ZDBF2: variants seen among roughly 807,000 people sequenced by gnomAD.
The protein encoded by ZDBF2 is zinc finger DBF-type containing 2.
A neutral mutation model predicts 9.4 loss-of-function variants in ZDBF2; 6 were observed. The ratio of observed to expected loss-of-function variants is 0.64; its 90% CI spans 0.35 to 1.27. The LOEUF is 1.27. Among genes scored for constraint, ZDBF2 ranks in the 50% most tolerant of loss-of-function variants. ZDBF2 has a pLI of 0.03. For missense variants in ZDBF2, 2,697 were observed against 2,766.8 expected (o/e 0.97, Z 0.57); for synonymous variants, 905 against 946.3 (o/e 0.96, Z 0.80).
chr2:206,281,546 A>G (rs192964615), intron 2 of ZDBF2, among the ~76,000 whole-genome samples: 1 of 152,350 alleles, frequency 6.6e-6, no homozygotes, highest in East Asian at 1.9e-4. Context: ...AATATCTAAT[A>G]TCTCTAATAA....
chr2:206,276,165 A>G (rs1690990206), intron 1 of ZDBF2, among the ~76,000 whole-genome samples: 1 of 152,206 alleles, frequency 6.6e-6, no homozygotes, highest in South Asian at 2.1e-4. Flanking sequence ...ATATGTAATG[A>G]GAGTATTGTT....
At position 206,311,551 on chromosome 2, in the gene ZDBF2, G is replaced by T; in HGVS notation, c.7023G>T (p.Met2341Ile). ...SSCLQQRERM[M>I]TRLANKLRGN... ...GTTTACAACAACGTGAGAGAATGAT[G>T]ACTCGGCTAGCAAACAAACTGAGAG... The change falls in exon 5 of 5, where the codon ATG (methionine) becomes ATT (isoleucine). Residue 2341 changes from methionine to isoleucine, a missense_variant. Met to Ile is a conservative substitution (Grantham distance 10, BLOSUM62 1). This residue lies in a region of ZDBF2 where 1,783 missense variants were observed against 1,776.5 expected (regional missense o/e 1.00). Transcript: ENST00000374423. 6.5e-7 allele frequency: 1 copy of T among 1,530,780 alleles called. No homozygotes were observed. Among genetic ancestry groups the T allele is most frequent in the South Asian group, 1.3e-5 (1 of 76,938 alleles). 94.8% of individuals were successfully genotyped at this position (1,530,780 alleles called of 1,614,324 possible).
intron 3 of ZDBF2, among the ~76,000 whole-genome samples, chr2:206,290,918 T>C (rs978957559): frequency 6.6e-5 from 10 of 152,174 alleles, no homozygotes; most frequent in Non-Finnish European, 1.5e-5. Context: ...TTGGTTTTTT[T>C]TGGATCTTGG....
In ZDBF2 at chr2:206,310,986, A is replaced by C. The variant is rs1323116632; in HGVS notation, c.6458A>C (p.His2153Pro). ...AATTTCCAGCTAACATTTTTAAATCATGATGTTGTCAAAATCTCTCCAAAA... is the reference window on the plus strand; with the variant it reads ...AATTTCCAGCTAACATTTTTAAATCCTGATGTTGTCAAAATCTCTCCAAAA... ...KRNFQLTFLN[H>P]DVVKISPKSV... The change falls in exon 5 of 5, where the codon CAT (histidine) becomes CCT (proline). Residue 2153 changes from histidine (H) to proline (P), a missense_variant. By Grantham distance (77) the His-to-Pro change is moderately conservative. Coordinates refer to ENST00000374423, the MANE Select transcript of ZDBF2 (RefSeq NM_020923.3). 1 of 1,613,382 alleles carries C rather than the reference A, an allele frequency of 6.2e-7. No homozygotes were observed. Among genetic ancestry groups the C allele is most frequent in the African/African-American group, 1.3e-5 (1 of 74,878 alleles).
chr2:206,304,005 A>G (rs1436289220), intron 4 of ZDBF2, among the ~76,000 whole-genome samples: 3 of 152,174 alleles, frequency 2.0e-5, no homozygotes, highest in Non-Finnish European at 4.4e-5. Flanking sequence ...CCTCCGCTCA[A>G]AAGTAGCAGT....
intron 3 of ZDBF2, among the ~76,000 whole-genome samples, chr2:206,295,363 C>CTTTTTTTT (rs571707187): frequency 1.5e-4 from 17 of 110,980 alleles, no homozygotes; most frequent in African/African-American, 4.1e-4. Context: ...CTTTTCTTTT[C>CTTTTTTTT]TTTTTTTTTT....
intron 3 of ZDBF2, among the ~76,000 whole-genome samples, chr2:206,287,997 C>A (rs1255220773): frequency 6.6e-6 from 1 of 151,712 alleles, no homozygotes; most frequent in Non-Finnish European, 1.5e-5. Flanking sequence ...TATATATTTT[C>A]TTGTCTCTCA....
intron 3 of ZDBF2, among the ~76,000 whole-genome samples, chr2:206,285,230 T>C (rs1310554075): frequency 6.6e-6 from 1 of 152,212 alleles, no homozygotes; most frequent in East Asian, 1.9e-4. Context: ...ATTTATACTC[T>C]TTTCCATAAT....
At chr2:206,278,879 A>G (rs1008490080) in intron 1 of ZDBF2, among the ~76,000 whole-genome samples, 7 of 152,126 alleles carry the variant, frequency 4.6e-5, no homozygotes, top group African/African-American at 1.2e-4. Flanking sequence ...TTCATTTTAA[A>G]TTTTTTGAGG....
chr2:206,282,750 A>C (rs1168023697), intron 3 of ZDBF2, among the ~76,000 whole-genome samples: 1 of 152,166 alleles, frequency 6.6e-6, no homozygotes, highest in African/African-American at 2.4e-5. Flanking sequence ...TTGACCCTTT[A>C]AGGTGTATAA....
rs776701323 is a variant in ZDBF2 at position 206,307,694 on chromosome 2, C to T, written c.3166C>T (p.Pro1056Ser). 3 of 1,613,494 alleles carry T rather than the reference C, an allele frequency of 1.9e-6. No homozygotes were observed. In the East Asian group the frequency reaches 6.7e-5, roughly 36 times the overall value. Residue 1056 changes from proline (P) to serine (S), a missense_variant, in exon 5 of 5, where the codon CCT becomes TCT. Around this residue, in one of 3 missense-constraint regions of ZDBF2, gnomAD observed 1,783 missense variants for 1,776.5 expected, o/e 1.00. Transcript: ENST00000374423. ...NVPPQSMTDQ[P>S]QLAFLKEKHV... ...TCCACCTCAGTCAATGACTGACCAA[C>T]CTCAACTAGCTTTTTTGAAGGAAAA...
rs1693081232 is a variant in ZDBF2, at chr2:206,310,169, T to G, written c.5641T>G (p.Leu1881Val). Residue 1881 changes from leucine (L) to valine (V), a missense_variant, in exon 5 of 5, where the codon TTG (leucine) becomes GTG (valine). Coordinates refer to ENST00000374423, the MANE Select transcript of ZDBF2 (RefSeq NM_020923.3). ...KGKKKVTWAD[L>V]QGKEDTAPTQ... ...GAAAAAAAAGGTTACCTGGGCTGACTTGCAAGGTAAGGAGGACACTGCACC... is the reference window on the plus strand; with the variant it reads ...GAAAAAAAAGGTTACCTGGGCTGACGTGCAAGGTAAGGAGGACACTGCACC... The G allele has an allele frequency of 1.9e-6, 3 of 1,613,676 alleles. No individual in the cohort carries two copies. The African/African-American group carries it at 4.0e-5, about 22-fold the overall frequency.
At chr2:206,301,616 G>A (rs1320044765) in intron 4 of ZDBF2, among the ~76,000 whole-genome samples, 1 of 151,994 alleles carries the variant, frequency 6.6e-6, no homozygotes. Context: ...CATGCCAATA[G>A]TACATTATTT....
At position 206,308,917 on chromosome 2, in the gene ZDBF2, G is replaced by A. The variant is rs781423410; in HGVS notation, c.4389G>A (p.Gln1463=). 1 of 1,612,986 alleles carries A rather than the reference G, an allele frequency of 6.2e-7. No individual in the cohort carries two copies. The highest frequency in any genetic ancestry group is 1.3e-5 in the African/African-American group (1 of 75,034). ...EIKCHSCVHL[Q]SEVDQPQVSY... ...AATGTCATTCTTGTGTTCATCTTCA[G>A]TCAGAAGTTGACCAACCTCAAGTGT... The change falls in exon 5 of 5, where the codon CAG becomes CAA. Residue 1463 remains glutamine, a synonymous_variant. Coordinates refer to ENST00000374423, the MANE Select transcript of ZDBF2 (RefSeq NM_020923.3).
rs778978178 is a variant in ZDBF2, at chr2:206,310,398, A to G, written c.5870A>G (p.Lys1957Arg). The G allele has an allele frequency of 5.0e-6, 8 of 1,613,860 alleles. No individual in the cohort carries two copies. In the Admixed American group the frequency reaches 1.2e-4, roughly 24 times the overall value. The change falls in exon 5 of 5, where the codon AAA (lysine) becomes AGA (arginine). Residue 1957 changes from lysine to arginine, a missense_variant. Lys to Arg is a conservative substitution (Grantham distance 26, BLOSUM62 2). Coordinates refer to ENST00000374423, the MANE Select transcript of ZDBF2 (RefSeq NM_020923.3). ...QTSCKNYPVM[K>R]RKIIRQEEDP... ...AGTTGTAAGAATTACCCAGTGATGA[A>G]AAGAAAAATAATTAGACAAGAGGAA...
At chr2:206,291,692 A>G (rs1691908117) in intron 3 of ZDBF2, among the ~76,000 whole-genome samples, 1 of 152,126 alleles carries the variant, frequency 6.6e-6, no homozygotes, top group African/African-American at 2.4e-5. Context: ...CAGATGTTAA[A>G]CTTATTTTGC....
intron 1 of ZDBF2, among the ~76,000 whole-genome samples, chr2:206,276,578 T>C (rs999113945): frequency 6.6e-6 from 1 of 152,196 alleles, no homozygotes; most frequent in Non-Finnish European, 1.5e-5. Context: ...AGAGAGGAAG[T>C]GTCTAAGTCG....
Position 206,308,654 on chromosome 2 carries a change from G to A in ZDBF2, c.4126G>A (p.Ala1376Thr). The A allele has an allele frequency of 1.9e-6, 3 of 1,612,378 alleles. No individual in the cohort carries two copies. The highest frequency in any genetic ancestry group is 2.5e-6 in the Non-Finnish European group (3 of 1,179,834). Residue 1376 changes from alanine (A) to threonine (T), a missense_variant, in exon 5 of 5, where the codon GCA (alanine) becomes ACA (threonine). Transcript: ENST00000374423. ...ESSDSNDSFQ[A>T]AADELQKPVK... The stretch of plus-strand genomic sequence containing the variant: ...TTCTGATTCCAATGACTCTTTTCAG[G>A]CAGCAGCAGATGAGCTTCAAAAACC...
At chr2:206,295,909 G>A (rs1307217421) in intron 3 of ZDBF2, among the ~76,000 whole-genome samples, 5 of 151,992 alleles carry the variant, frequency 3.3e-5, no homozygotes, top group Non-Finnish European at 7.4e-5. Flanking sequence ...AAAATTTAGT[G>A]TATTTATTTT....
Sources: allele counts gnomAD v4.1 joint callset (sites outside exome capture counted in the v4.1 genomes callset), GRCh38; gene constraint gnomAD v4.1.1; regional missense constraint gnomAD v4.1.1; transcripts MANE v1.5; gene names NCBI Gene and HGNC (gene_info 2026-07-23, HGNC 2026-07-21).